Variants in SAMMSON observed in about 807,000 individuals in gnomAD.
SAMMSON encodes the protein survival associated mitochondrial melanoma specific oncogenic non-coding RNA, also known as long intergenic non-protein coding RNA 1212.
chr3:70,387,043 A>G (rs1469921589), intron 9 of SAMMSON, among the ~76,000 whole-genome samples: 1 of 152,026 alleles, frequency 6.6e-6, no homozygotes, highest in East Asian at 1.9e-4. Flanking sequence ...AAATTATTAC[A>G]TATTATAGAT....
intron 3 of SAMMSON, among the ~76,000 whole-genome samples, chr3:70,017,843 A>G (rs2066992763): frequency 6.6e-6 from 1 of 152,210 alleles, no homozygotes; most frequent in East Asian, 1.9e-4. Context: ...TGAGATAATC[A>G]TGTGGTTTTT....
At chr3:70,116,235 T>C (rs1396149811) in intron 4 of SAMMSON, among the ~76,000 whole-genome samples, 1 of 150,112 alleles carries the variant, frequency 6.7e-6, no homozygotes, top group Non-Finnish European at 1.5e-5. Flanking sequence ...AAAGGGGATA[T>C]AGAAAATGAC....
At chr3:70,349,509 T>A (rs150795904) in intron 7 of SAMMSON, among the ~76,000 whole-genome samples, 268 of 152,316 alleles carry the variant, frequency 1.8e-3, no homozygotes, top group African/African-American at 6.2e-3. Flanking sequence ...TGTGTTCATA[T>A]ATATTTTCTC....
chr3:70,025,136 G>A (rs1342623248), intron 3 of SAMMSON: 3 of 152,166 alleles, frequency 2.0e-5, no homozygotes, highest in Admixed American at 6.6e-5. Flanking sequence ...GGTAAAGTCC[G>A]AGGCATATTG....
intron 3 of SAMMSON, among the ~76,000 whole-genome samples, chr3:70,020,257 C>T (rs1047448609): frequency 1.3e-5 from 2 of 152,034 alleles, no homozygotes; most frequent in African/African-American, 2.4e-5. Flanking sequence ...TCTCTGTCTC[C>T]TCAATTCTTT....
intron 4 of SAMMSON, among the ~76,000 whole-genome samples, chr3:70,128,923 C>G (rs754996380): frequency 2.0e-5 from 3 of 152,090 alleles, no homozygotes; most frequent in Non-Finnish European, 4.4e-5. Flanking sequence ...GAATTTGTAG[C>G]AGTGTAGAAA....
chr3:70,321,100 T>C (rs935127240), intron 7 of SAMMSON, among the ~76,000 whole-genome samples: 3 of 152,106 alleles, frequency 2.0e-5, no homozygotes, highest in Non-Finnish European at 2.9e-5. Context: ...ATAATTGGAG[T>C]AGAAATGACA....
intron 4 of SAMMSON, chr3:70,075,247 T>C (rs1270761293): frequency 2.6e-5 from 4 of 152,118 alleles, no homozygotes; most frequent in African/African-American, 9.7e-5. Flanking sequence ...CTTGCTTTTC[T>C]CATATAACAA....
At chr3:70,189,266 G>C (rs1222282360) in intron 4 of SAMMSON, among the ~76,000 whole-genome samples, 1 of 152,136 alleles carries the variant, frequency 6.6e-6, no homozygotes, top group Non-Finnish European at 1.5e-5. Flanking sequence ...GCTAGTTCTA[G>C]AGTTTCATAG....
At chr3:70,124,165 C>T (rs1294039087) in intron 4 of SAMMSON, among the ~76,000 whole-genome samples, 1 of 152,178 alleles carries the variant, frequency 6.6e-6, no homozygotes, top group East Asian at 1.9e-4. Flanking sequence ...TGTACTTTGT[C>T]TTATCCCCTA....
At chr3:70,273,076 A>G (rs530455828) in intron 6 of SAMMSON, among the ~76,000 whole-genome samples, 6 of 152,200 alleles carry the variant, frequency 3.9e-5, no homozygotes, top group Non-Finnish European at 7.4e-5. Context: ...AAGTTCAGCC[A>G]GTGACCCAAG....
intron 4 of SAMMSON, among the ~76,000 whole-genome samples, chr3:70,159,027 T>A (rs902568408): frequency 3.9e-5 from 6 of 152,194 alleles, no homozygotes; most frequent in Non-Finnish European, 4.4e-5. Context: ...CTATACTTTT[T>A]AAAAAATTGA....
intron 4 of SAMMSON, among the ~76,000 whole-genome samples, chr3:70,161,073 G>T (rs2067613403): frequency 6.6e-6 from 1 of 151,886 alleles, no homozygotes; most frequent in South Asian, 2.1e-4. Context: ...TTTGTTTGTG[G>T]ATTTCTACAC....
At chr3:70,270,846 G>T (rs925642583) in intron 6 of SAMMSON, among the ~76,000 whole-genome samples, 9 of 152,112 alleles carry the variant, frequency 5.9e-5, no homozygotes, top group African/African-American at 2.2e-4. Context: ...AGAACACATG[G>T]ACACAGGGAG....
intron 4 of SAMMSON, chr3:70,140,570 T>A (rs2106680430): frequency 6.5e-6 from 1 of 152,912 alleles, no homozygotes; most frequent in South Asian, 2.1e-4. Flanking sequence ...CATTTGCTTC[T>A]AATTTGTGTA....
At chr3:70,152,237 A>T (rs1198603623) in intron 4 of SAMMSON, among the ~76,000 whole-genome samples, 1 of 151,998 alleles carries the variant, frequency 6.6e-6, no homozygotes, top group East Asian at 1.9e-4. Context: ...ATCATCAAAC[A>T]ATTGGATTTC....
At chr3:70,326,160 C>T (rs1702579409) in intron 7 of SAMMSON, among the ~76,000 whole-genome samples, 1 of 151,844 alleles carries the variant, frequency 6.6e-6, no homozygotes, top group Admixed American at 6.6e-5. Context: ...TTCTCCTTTC[C>T]TTCCTCTTTC....
chr3:70,406,876 G>A (rs917929439), intron 2 of SAMMSON, among the ~76,000 whole-genome samples: 6 of 152,132 alleles, frequency 3.9e-5, no homozygotes, highest in Non-Finnish European at 5.9e-5. Context: ...AACATTAAAC[G>A]TAAATAATCA....
intron 7 of SAMMSON, among the ~76,000 whole-genome samples, chr3:70,338,659 A>G (rs1050893647): frequency 6.6e-6 from 1 of 152,160 alleles, no homozygotes; most frequent in African/African-American, 2.4e-5. Flanking sequence ...CAACTGCTTC[A>G]AAGGGAATAA....
Sources: allele counts gnomAD v4.1 joint callset (sites outside exome capture counted in the v4.1 genomes callset), GRCh38; gene constraint gnomAD v4.1.1; transcripts MANE v1.5; gene names NCBI Gene and HGNC (gene_info 2026-07-23, HGNC 2026-07-21).